IZUMO2: variants seen among roughly 807,000 people sequenced by gnomAD.
IZUMO2 encodes IZUMO family member 2.
Under a neutral mutation model 31.2 loss-of-function variants are expected in IZUMO2, and 24 were observed. The observed-to-expected ratio is 0.77, with a 90% confidence interval of 0.56 to 1.08. The LOEUF (loss-of-function observed/expected upper bound fraction) is 1.08. Among genes scored for constraint, IZUMO2 ranks in the 50% least tolerant of loss-of-function variants. The pLI is 0.00. For missense variants in IZUMO2, 278 were observed against 274.0 expected (o/e 1.01, Z -0.10); for synonymous variants, 144 against 117.3 (o/e 1.23, Z -1.47).
chr19:50,162,621 G>GA (rs199972252), intron 2 of IZUMO2, 118 bp downstream of exon 2: 9,764 of 713,708 alleles, frequency 0.014, 1 homozygote, highest in Non-Finnish European at 0.016. Flanking sequence ...TCTTAAAAAA[G>GA]AAAAAAAAAA....
chr19:50,161,119 C>T (rs1157726827), intron 2 of IZUMO2, among the ~76,000 whole-genome samples: 1 of 148,700 alleles, frequency 6.7e-6, no homozygotes, highest in East Asian at 1.9e-4. Context: ...TTTTTCTTTT[C>T]CTTTTTCTTT....
At position 50,162,764 on chromosome 19, in the gene IZUMO2, C is replaced by A; in HGVS notation, c.282G>T (p.Gln94His). ...CTTTCAGAGAGTTACCCATTAAGTG[C>A]TGCGTTTGGTTCTTGACAAAGGACG... ...LVASFVKNQT[Q>H]HLMGNSLKDE... Residue 94 changes from glutamine to histidine, a missense_variant, in exon 2 of 7, where the codon CAG becomes CAT. Physicochemically the swap from Gln to His is conservative, Grantham distance 24. Coordinates refer to ENST00000293405, the MANE Select transcript of IZUMO2 (RefSeq NM_152358.3). 1 of 1,614,036 alleles carries A rather than the reference C, an allele frequency of 6.2e-7. No individual in the cohort carries two copies. Among genetic ancestry groups the A allele is most frequent in the Non-Finnish European group, 8.5e-7 (1 of 1,179,988 alleles).
chr19:50,159,259 GAA>G lies in IZUMO2; in HGVS notation c.395-11_395-10del, dbSNP rs532569991. ...AAGTTTGGGGTTGCAGGCTGCAAGA[GAA>G]AATTGCTGAGGTGAGTTAAATTGGG... On this transcript the variant is annotated splice_polypyrimidine_tract_variant and intron_variant, in intron 3 of 6. Transcript: ENST00000293405. The G allele has an allele frequency of 9.7e-5, 156 of 1,610,728 alleles. 2 individuals are homozygous for G. In the South Asian group the frequency reaches 1.6e-3, roughly 17 times the overall value.
chr19:50,162,913 C>A (rs1430018901), intron 1 of IZUMO2, 50 bp downstream of exon 1: 1 of 1,607,036 alleles, frequency 6.2e-7, no homozygotes, highest in Non-Finnish European at 8.5e-7. Flanking sequence ...GGGGCGTGGT[C>A]TCCGGCATCC....
intron 3 of IZUMO2, 46 bp from the exon 4 acceptor site, chr19:50,159,296 T>C: frequency 6.3e-7 from 1 of 1,599,702 alleles, no homozygotes; most frequent in Non-Finnish European, 8.5e-7. Flanking sequence ...GATGGCAACT[T>C]GATAATTTAA....
At chr19:50,152,673 G>A (rs1245434623) in intron 6 of IZUMO2, 22 bp from the exon 7 acceptor site, 2 of 1,601,854 alleles carry the variant, frequency 1.2e-6, no homozygotes, top group South Asian at 1.1e-5. Flanking sequence ...GAAAAAGCCT[G>A]TAGATTAGAA....
At chr19:50,155,789 C>A (rs1481946685) in intron 5 of IZUMO2, among the ~76,000 whole-genome samples, 1 of 152,182 alleles carries the variant, frequency 6.6e-6, no homozygotes, top group East Asian at 1.9e-4. Flanking sequence ...TCCATGGCCC[C>A]CCATCTCAGA....
At chr19:50,159,811 C>T (rs1474346850) in intron 2 of IZUMO2, among the ~76,000 whole-genome samples, 1 of 152,142 alleles carries the variant, frequency 6.6e-6, no homozygotes, top group Non-Finnish European at 1.5e-5. Flanking sequence ...CCTCACTTTC[C>T]TCATCTGGCA....
At chr19:50,161,212 C>T (rs1048159207) in intron 2 of IZUMO2, among the ~76,000 whole-genome samples, 2 of 151,708 alleles carry the variant, frequency 1.3e-5, no homozygotes, top group Admixed American at 6.6e-5. Flanking sequence ...GCAACCTCCG[C>T]CTCCTGGGTT....
Position 50,154,276 on chromosome 19 carries a change from T to G in IZUMO2, c.623+324A>C, listed in dbSNP as rs941325734. On this transcript the variant is annotated intron_variant, in intron 6 of 6. Coordinates refer to ENST00000293405, the MANE Select transcript of IZUMO2 (RefSeq NM_152358.3). ...TATAACTTTTAGCGTTTTTTTTTTT[T>G]TTTTTTTTTTTTTTTTTTTTTAATG... is the stretch of plus-strand genomic sequence containing the variant. Among the ~76,000 whole-genome samples, 19 of 136,608 alleles carry G rather than the reference T, an allele frequency of 1.4e-4. 2 individuals are homozygous for G. The highest frequency in any genetic ancestry group is 5.2e-4 in the South Asian group (2 of 3,844). The allele number at this position is 136,608 out of a possible 152,430, so 89.6% of individuals were successfully genotyped here. A position where few individuals can be genotyped will look rare whatever the true frequency, so the allele number is the denominator to read the frequency against.
chr19:50,159,184 G>C, intron 4 of IZUMO2, 46 bp downstream of exon 4: 2 of 1,594,796 alleles, frequency 1.3e-6, no homozygotes, highest in Non-Finnish European at 1.7e-6. Context: ...AGGGTGAAGG[G>C]GGTTAGGAGG....
intron 2 of IZUMO2, among the ~76,000 whole-genome samples, chr19:50,161,107 C>G (rs1600815530): frequency 6.6e-6 from 1 of 151,286 alleles, no homozygotes; most frequent in Non-Finnish European, 1.5e-5. Context: ...TGCTTTGACG[C>G]CTTTTTCTTT....
rs747212203 is a variant in IZUMO2 at position 50,154,623 on chromosome 19, A to C, written c.600T>G (p.Phe200Leu). 6.2e-7 allele frequency: 1 copy of C among 1,614,044 alleles called. No homozygotes were observed. The change falls in exon 6 of 7, where the codon TTT (phenylalanine) becomes TTG (leucine). Residue 200 changes from phenylalanine to leucine, a missense_variant. By Grantham distance (22) the Phe-to-Leu change is conservative. Coordinates refer to ENST00000293405, the MANE Select transcript of IZUMO2 (RefSeq NM_152358.3). ...GILISVSLAVFVFVVIVVSAC... is the reference protein window; with the variant it reads ...GILISVSLAVLVFVVIVVSAC... ...ACGAGACCACGATGACCACGAAGAC[A>C]AAGACAGCCAGAGACACAGAAATGA...
In IZUMO2 at chr19:50,163,198, G is replaced by A; in HGVS notation, c.-4C>T. 1 of 1,546,442 alleles carries A rather than the reference G, an allele frequency of 6.5e-7. No individual in the cohort carries two copies. Among genetic ancestry groups the A allele is most frequent in the Non-Finnish European group, 8.7e-7 (1 of 1,145,572 alleles). ...GAAGGGTCAAAGCCAGAGGCATGGC[G>A]GGGCCTTTGTGACGTCACAGAGAGA... On this transcript the variant is annotated 5_prime_UTR_variant, in exon 1 of 7. Transcript: ENST00000293405.
At chr19:50,155,579 T>C (rs1285450525) in intron 5 of IZUMO2, among the ~76,000 whole-genome samples, 1 of 152,182 alleles carries the variant, frequency 6.6e-6, no homozygotes, top group Non-Finnish European at 1.5e-5. Flanking sequence ...TTTCCTTCCA[T>C]CAGCAAAGCC....
intron 4 of IZUMO2, 75 bp from the exon 5 acceptor site, chr19:50,158,423 G>A (rs1481707435): frequency 2.0e-6 from 2 of 988,722 alleles, no homozygotes; most frequent in Non-Finnish European, 3.1e-6. Context: ...GGAAGAAGGA[G>A]AAAGAGGAGA....
rs1330035967 is a variant in IZUMO2, at chr19:50,161,426, CCTTT to C, written c.307+1309_307+1312del. ...CGTGAGCCACTGTGCCCGGCTGACG[CCTTT>C]CTTTTTTTTATATCCCTGTGCAATT... On this transcript the variant is annotated intron_variant, in intron 2 of 6. Coordinates refer to ENST00000293405, the MANE Select transcript of IZUMO2 (RefSeq NM_152358.3). Among the ~76,000 whole-genome samples the C allele has an allele frequency of 3.9e-5, 6 of 152,240 alleles. No homozygotes were observed. In the East Asian group the frequency reaches 5.8e-4, roughly 15 times the overall value.
chr19:50,159,570 C>A lies in IZUMO2; in HGVS notation c.318G>T (p.Leu106=), dbSNP rs752195513. 1.2e-6 allele frequency: 2 copies of A among 1,612,258 alleles called. No homozygotes were observed. Among genetic ancestry groups the A allele is most frequent in the East Asian group, 4.5e-5 (2 of 44,870 alleles). ...CCCTGAGGGTCACCAGCTCTTCCAG[C>A]AGAGGCTCATCTGAGGAGAGAAAGA... The part of the protein sequence containing the change: ...LMGNSLKDEP[L]LEELVTLRAN... Residue 106 remains leucine, a synonymous_variant, in exon 3 of 7, where the codon CTG becomes CTT. Coordinates refer to ENST00000293405, the MANE Select transcript of IZUMO2 (RefSeq NM_152358.3).
chr19:50,158,419 A>T (rs1175557025), intron 4 of IZUMO2, 71 bp from the exon 5 acceptor site: 1 of 982,968 alleles, frequency 1.0e-6, no homozygotes, highest in Non-Finnish European at 1.6e-6. Flanking sequence ...GAAAGGAAGA[A>T]GGAGAAAGAG....
Sources: allele counts gnomAD v4.1 joint callset (sites outside exome capture counted in the v4.1 genomes callset), GRCh38; gene constraint gnomAD v4.1.1; transcripts MANE v1.5; gene names NCBI Gene and HGNC (gene_info 2026-07-23, HGNC 2026-07-21).